Variants in TRIM2 observed in about 807,000 individuals in gnomAD.
TRIM2 encodes the protein tripartite motif-containing protein 2.
Under a neutral mutation model 75.2 loss-of-function variants are expected in TRIM2, and 20 were observed. The observed-to-expected ratio is 0.27, with a 90% CI of 0.19 to 0.39. The LOEUF (loss-of-function observed/expected upper bound fraction) is 0.39. TRIM2 is among the 10% of genes least tolerant of loss of function. The probability of loss-of-function intolerance (pLI) is 1.00; values close to 1 mark genes in which losing one functional copy is unlikely to be tolerated. For missense variants in TRIM2, 660 were observed against 990.8 expected (o/e 0.67, Z 4.48); for synonymous variants, 373 against 388.3 (o/e 0.96, Z 0.46).
intron 1 of TRIM2, among the ~76,000 whole-genome samples, chr4:153,189,087 G>A (rs1579408907): frequency 1.3e-5 from 2 of 152,098 alleles, no homozygotes; most frequent in Admixed American, 6.5e-5. Context: ...CTGGGCTCAA[G>A]CAACTCTCCC....
At chr4:153,250,950 C>G (rs182877042) in intron 1 of TRIM2, among the ~76,000 whole-genome samples, 38 of 152,304 alleles carry the variant, frequency 2.5e-4, no homozygotes, top group Admixed American at 1.4e-3. Flanking sequence ...CCACCTGGCA[C>G]ACAATCACTT....
At chr4:153,226,725 T>C (rs566048946) in intron 1 of TRIM2, among the ~76,000 whole-genome samples, 1 of 152,340 alleles carries the variant, frequency 6.6e-6, no homozygotes, top group Non-Finnish European at 1.5e-5. Flanking sequence ...TCGGGGATGA[T>C]GACTTTGAGG....
At chr4:153,156,016 TG>T (rs1729198233) in intron 1 of TRIM2, among the ~76,000 whole-genome samples, 1 of 152,254 alleles carries the variant, frequency 6.6e-6, no homozygotes, top group Non-Finnish European at 1.5e-5. Context: ...CTGGAATTTT[TG>T]GTTTTTACAT....
chr4:153,244,355 C>CTTCTTCCTCCTCTTCTTCT (rs1748079616), intron 1 of TRIM2, among the ~76,000 whole-genome samples: 1 of 12,714 alleles, frequency 7.9e-5, no homozygotes, highest in Non-Finnish European at 1.3e-4. Context: ...CTTCTTCTTC[C>CTTCTTCCTCCTCTTCTTCT]TCTTCTTCTT....
chr4:153,202,354 C>G (rs549649851), upstream of TRIM2, among the ~76,000 whole-genome samples: 31 of 152,276 alleles, frequency 2.0e-4, no homozygotes, highest in Middle Eastern at 3.4e-3. Flanking sequence ...GCCACACAAT[C>G]AACCAAACAA....
intron 1 of TRIM2, among the ~76,000 whole-genome samples, chr4:153,244,753 T>C (rs1748661998): frequency 6.6e-6 from 1 of 152,160 alleles, no homozygotes; most frequent in African/African-American, 2.4e-5. Context: ...AGAATAAATA[T>C]CTTCCTACAT....
chr4:153,264,429 A>G (rs571164870), intron 1 of TRIM2, among the ~76,000 whole-genome samples: 2 of 152,274 alleles, frequency 1.3e-5, no homozygotes, highest in South Asian at 2.1e-4. Flanking sequence ...TTCAGAAGTT[A>G]GTTTTGCAGC....
chr4:153,180,878 T>C (rs574249669), intron 1 of TRIM2, among the ~76,000 whole-genome samples: 2 of 152,354 alleles, frequency 1.3e-5, no homozygotes, highest in South Asian at 4.1e-4. Flanking sequence ...CATCCATTCA[T>C]ACTATAAATA....
At chr4:153,242,061 G>A (rs566506762) in intron 1 of TRIM2, among the ~76,000 whole-genome samples, 1 of 152,214 alleles carries the variant, frequency 6.6e-6, no homozygotes, top group Non-Finnish European at 1.5e-5. Flanking sequence ...CAGGCAAGGT[G>A]CTGGAACATG....
chr4:153,337,086 A>T lies in TRIM2; in HGVS notation c.*2120A>T, dbSNP rs1772540040. ...CTCAGAGCTGACATTCTGGGGTGGG[A>T]ATTTCATTTTGCCACGTACTAACGT... On this transcript the variant is annotated 3_prime_UTR_variant, in exon 12 of 12. Coordinates refer to ENST00000338700, the MANE Select transcript of TRIM2 (RefSeq NM_015271.5). 2.0e-6 allele frequency: 2 copies of T among 985,372 alleles called. No individual in the cohort carries two copies. The highest frequency in any genetic ancestry group is 2.4e-6 in the Non-Finnish European group (2 of 829,902). 61.0% of individuals were successfully genotyped at this position (985,372 alleles called of 1,614,324 possible).
intron 3 of TRIM2, among the ~76,000 whole-genome samples, chr4:153,291,403 T>A (rs972529060): frequency 2.6e-5 from 4 of 152,338 alleles, no homozygotes; most frequent in African/African-American, 9.6e-5. Context: ...ATGTATGGTA[T>A]TATCTAGGCT....
In TRIM2 at chr4:153,335,161, A is replaced by G; in HGVS notation, c.*195A>G. The G allele has an allele frequency of 7.9e-7, 1 of 1,272,388 alleles. No homozygotes were observed. The highest frequency in any genetic ancestry group is 9.9e-7 in the Non-Finnish European group (1 of 1,008,170). The allele number at this position is 1,272,388 out of a possible 1,614,324, so 78.8% of individuals were successfully genotyped here. ...TTCTGTATTTCACCTTTAGGGTTAA[A>G]AAAAACTCTTCTACTGAATCTATAA... On this transcript the variant is annotated 3_prime_UTR_variant, in exon 12 of 12. Coordinates refer to ENST00000338700, the MANE Select transcript of TRIM2 (RefSeq NM_015271.5).
intron 1 of TRIM2, among the ~76,000 whole-genome samples, chr4:153,237,637 G>A (rs1304075672): frequency 6.6e-6 from 1 of 151,852 alleles, no homozygotes; most frequent in African/African-American, 2.4e-5. Flanking sequence ...CTGAGATTGC[G>A]CCATTGCATT....
intron 3 of TRIM2, among the ~76,000 whole-genome samples, chr4:153,277,302 A>C (rs1758249017): frequency 6.6e-6 from 1 of 152,150 alleles, no homozygotes; most frequent in Non-Finnish European, 1.5e-5. Context: ...TCTCCTGCAC[A>C]CAGCAGTCTT....
rs1579713456 is a variant in TRIM2 at position 153,322,077 on chromosome 4, G to C, written c.1783-571G>C. Among the ~76,000 whole-genome samples, 3 of 152,098 alleles carry C rather than the reference G, an allele frequency of 2.0e-5. No individual in the cohort carries two copies. The East Asian group carries it at 5.8e-4, about 29-fold the overall frequency. On this transcript the variant is annotated intron_variant, in intron 8 of 11. Transcript: ENST00000338700. ...AGGGAACTGTGACCCCAGTTTAGGG[G>C]ATCCTAGACTATTTTTGGTGGTGAT...
chr4:153,180,612 G>A (rs1260533960), intron 1 of TRIM2, among the ~76,000 whole-genome samples: 1 of 152,190 alleles, frequency 6.6e-6, no homozygotes, highest in Non-Finnish European at 1.5e-5. Context: ...CAAGTAGCTG[G>A]GATCACAGGC....
chr4:153,256,362 G>A (rs868792856), intron 1 of TRIM2, among the ~76,000 whole-genome samples: 19 of 152,208 alleles, frequency 1.2e-4, no homozygotes, highest in South Asian at 2.1e-4. Context: ...GCTTGACTGC[G>A]TGGAAAGAAT....
intron 1 of TRIM2, among the ~76,000 whole-genome samples, chr4:153,208,790 A>G (rs1736149721): frequency 1.3e-5 from 2 of 152,132 alleles, no homozygotes; most frequent in African/African-American, 4.8e-5. Flanking sequence ...GGAACACTGC[A>G]TCCATCCCGA....
At chr4:153,213,103 T>C (rs763339005) in intron 1 of TRIM2, among the ~76,000 whole-genome samples, 42 of 152,330 alleles carry the variant, frequency 2.8e-4, no homozygotes, top group Middle Eastern at 3.4e-3. Context: ...TGCCAGGAAC[T>C]GTTCTAAGTG....
Sources: allele counts gnomAD v4.1 joint callset (sites outside exome capture counted in the v4.1 genomes callset), GRCh38; gene constraint gnomAD v4.1.1; transcripts MANE v1.5; gene names NCBI Gene and HGNC (gene_info 2026-07-23, HGNC 2026-07-21).